ETS1: variants seen among roughly 807,000 people sequenced by gnomAD.
ETS1 encodes protein C-ets-1.
ETS1 carries 15 observed loss-of-function variants against 58.6 expected under a neutral mutation model. The observed-to-expected ratio is 0.26, with a 90% CI of 0.17 to 0.39. The LOEUF (loss-of-function observed/expected upper bound fraction) is 0.39. Ranked by LOEUF, ETS1 falls within the 10% of genes least tolerant of loss-of-function variation. The pLI is 1.00. For synonymous variants in ETS1, 214 were observed against 218.2 expected (o/e 0.98, Z 0.17); for missense variants, 417 against 610.5 (o/e 0.68, Z 3.34).
rs1861966757 is a variant in ETS1, at chr11:128,463,924, G to A, written c.1124-297C>T. The A allele has an allele frequency of 4.6e-6, 1 of 215,162 alleles. No individual in the cohort carries two copies. Among genetic ancestry groups the A allele is most frequent in the Admixed American group, 5.6e-5 (1 of 17,730 alleles). The allele number at this position is 215,162 out of a possible 1,614,324, so 13.3% of individuals were successfully genotyped here. ...ACAAATTCTAGAAAGAGAACACTGT[G>A]CCTATCCTCTGGGATATTCTAAGGC... is the stretch of plus-strand genomic sequence containing the variant. On this transcript the variant is annotated intron_variant, in intron 8 of 9. Coordinates refer to ENST00000392668, the MANE Select transcript of ETS1 (RefSeq NM_001143820.2). This position sits in a 1 kb window ranked among gnomAD's most constrained non-coding sequence, Gnocchi z 4.1.
In ETS1 at chr11:128,548,112, G is replaced by GAAGGAAAGGAAAGGAAAGGA. The variant is rs139704582; in HGVS notation, c.214+8159_214+8178dup. Among the ~76,000 whole-genome samples, 209 of 97,710 alleles carry GAAGGAAAGGAAAGGAAAGGA rather than the reference G, an allele frequency of 2.1e-3. 1 individual carries two copies. Among genetic ancestry groups the GAAGGAAAGGAAAGGAAAGGA allele is most frequent in the Admixed American group, 2.3e-3 (19 of 8,158 alleles). The allele number at this position is 97,710 out of a possible 152,430, so 64.1% of individuals were successfully genotyped here. Reference sequence around the variant, plus strand: ...AAAGAGCGAGGAAGGAAAGGAAAGGGAAGGAAAGGAAAGGAAAGGAAAGGG... The same window carrying GAAGGAAAGGAAAGGAAAGGA: ...AAAGAGCGAGGAAGGAAAGGAAAGGGAAGGAAAGGAAAGGAAAGGAAAGGAAAGGAAAGGAAAGGAAAGGG... On this transcript the variant is annotated intron_variant, in intron 3 of 9. Coordinates refer to ENST00000392668, the MANE Select transcript of ETS1 (RefSeq NM_001143820.2).
intron 3 of ETS1, chr11:128,522,483 A>G (rs1863711746): frequency 2.4e-6 from 1 of 424,638 alleles, no homozygotes; most frequent in African/African-American, 2.1e-5. Flanking sequence ...GGCGGGGCCG[A>G]GCACCGCGGC....
In ETS1 at chr11:128,566,752, C is replaced by T. The variant is rs913228877; in HGVS notation, c.69+6310G>A. Among the ~76,000 whole-genome samples the T allele has an allele frequency of 3.3e-5, 5 of 149,812 alleles. No individual in the cohort carries two copies. In the South Asian group the frequency reaches 1.1e-3, roughly 32 times the overall value. ...GAGCCGAGAGGGCGCCACTGCACTC[C>T]AGCCTGGGCGACAGAGCAAGACACC... On this transcript the variant is annotated intron_variant, in intron 2 of 9. Transcript: ENST00000392668.
At position 128,537,396 on chromosome 11, in the gene ETS1, G is replaced by A. The variant is rs144038127; in HGVS notation, c.214+18895C>T. Among the ~76,000 whole-genome samples the A allele has an allele frequency of 2.2e-3, 335 of 152,218 alleles. 1 individual carries two copies. Among genetic ancestry groups the A allele is most frequent in the African/African-American group, 7.5e-3 (311 of 41,540 alleles). Reference sequence around the variant, plus strand: ...TTCCTACTTGTCTCCACTCAGAGTCGGAATAAGCAAAGCTGTCATTGGGAG... The same window carrying A: ...TTCCTACTTGTCTCCACTCAGAGTCAGAATAAGCAAAGCTGTCATTGGGAG... On this transcript the variant is annotated intron_variant, in intron 3 of 9. Transcript: ENST00000392668.
intron 3 of ETS1, among the ~76,000 whole-genome samples, chr11:128,516,221 T>C (rs1467039078): frequency 2.6e-5 from 4 of 152,212 alleles, no homozygotes; most frequent in Non-Finnish European, 5.9e-5. Flanking sequence ...TTGAAAAAGA[T>C]ATCATCAACC....
rs868103976 is a variant in ETS1 at position 128,471,415 on chromosome 11, G to C, written c.1124-7788C>G. The stretch of plus-strand genomic sequence containing the variant: ...TGCAAGTGCTCAAGTACACATGTGT[G>C]GGGGCGGCAGCAGGAGAAAGGGGAC... On this transcript the variant is annotated intron_variant, in intron 8 of 9. Coordinates refer to ENST00000392668, the MANE Select transcript of ETS1 (RefSeq NM_001143820.2). 2.0e-5 allele frequency among the ~76,000 whole-genome samples: 3 copies of C among 152,236 alleles called. No individual in the cohort carries two copies. In the South Asian group the frequency reaches 6.2e-4, roughly 32 times the overall value.
intron 3 of ETS1, among the ~76,000 whole-genome samples, chr11:128,492,482 G>A (rs760634851): frequency 1.3e-5 from 2 of 152,294 alleles, no homozygotes; most frequent in East Asian, 1.9e-4. Context: ...TGCCAATGAC[G>A]AGGAATCTGA....
At chr11:128,482,530 G>A (rs1027057185) in intron 7 of ETS1, among the ~76,000 whole-genome samples, 1 of 152,154 alleles carries the variant, frequency 6.6e-6, no homozygotes, top group African/African-American at 2.4e-5. Context: ...GTCCCACTAA[G>A]CAAGGGGACT....
At position 128,485,035 on chromosome 11, in the gene ETS1, G is replaced by A. The variant is rs766647712; in HGVS notation, c.650C>T (p.Ser217Leu). 11 of 1,613,918 alleles carry A rather than the reference G, an allele frequency of 6.8e-6. No individual in the cohort carries two copies. The highest frequency in any genetic ancestry group is 4.5e-5 in the East Asian group (2 of 44,890). Residue 217 changes from serine to leucine, a missense_variant, in exon 7 of 10, where the codon TCG becomes TTG. By Grantham distance (145) the Ser-to-Leu change is moderately radical. Transcript: ENST00000392668. ...GATGAAGCTGGGCTCTGAGAACTCC[G>A]ATGGTGGAACACACTGGGCATGCTC... is the stretch of plus-strand genomic sequence containing the variant. ...GIEHAQCVPP[S>L]EFSEPSFITE...
intron 3 of ETS1, among the ~76,000 whole-genome samples, chr11:128,512,362 C>T (rs1863414539): frequency 6.6e-6 from 1 of 152,198 alleles, no homozygotes; most frequent in Admixed American, 6.5e-5. Context: ...ATAAACTCTA[C>T]ACTGTCATCA....
At chr11:128,477,620 A>C (rs1021447930) in intron 8 of ETS1, among the ~76,000 whole-genome samples, 6 of 152,200 alleles carry the variant, frequency 3.9e-5, no homozygotes, top group Non-Finnish European at 8.8e-5. Context: ...TATCAATTAC[A>C]GGGAAAAAAT....
intron 1 of ETS1, among the ~76,000 whole-genome samples, chr11:128,577,080 G>C (rs1326634878): frequency 1.3e-5 from 2 of 151,930 alleles, no homozygotes; most frequent in Non-Finnish European, 2.9e-5. Flanking sequence ...TTTCATTTTT[G>C]TCTTCAGCAC....
chr11:128,562,600 T>A (rs1179512388), intron 2 of ETS1, among the ~76,000 whole-genome samples: 1 of 152,156 alleles, frequency 6.6e-6, no homozygotes, highest in Non-Finnish European at 1.5e-5. Flanking sequence ...ACAGCCTGAA[T>A]GCTCCACCCA....
intron 2 of ETS1, among the ~76,000 whole-genome samples, chr11:128,556,923 T>C (rs1271675552): frequency 6.6e-6 from 1 of 152,236 alleles, no homozygotes; most frequent in Non-Finnish European, 1.5e-5. Flanking sequence ...TCAGTGTGTA[T>C]AGGCTTTAAA....
chr11:128,531,934 T>C (rs1863903711), intron 3 of ETS1, among the ~76,000 whole-genome samples: 1 of 152,220 alleles, frequency 6.6e-6, no homozygotes, highest in African/African-American at 2.4e-5. Flanking sequence ...TGCACTCACT[T>C]CACAGAAGTC....
At chr11:128,474,239 A>T (rs1862261260) in intron 8 of ETS1, among the ~76,000 whole-genome samples, 1 of 152,190 alleles carries the variant, frequency 6.6e-6, no homozygotes. Flanking sequence ...TGTATTGTAC[A>T]GTATGAATAG....
At chr11:128,535,012 C>A (rs1863952432) in intron 3 of ETS1, among the ~76,000 whole-genome samples, 1 of 152,186 alleles carries the variant, frequency 6.6e-6, no homozygotes, top group Non-Finnish European at 1.5e-5. Context: ...CATTGTCTTC[C>A]ACAATGGTTG....
chr11:128,468,767 T>C (rs530974428), intron 8 of ETS1, among the ~76,000 whole-genome samples: 2 of 152,180 alleles, frequency 1.3e-5, no homozygotes, highest in Admixed American at 6.5e-5. Flanking sequence ...CTAGAATATA[T>C]GCTGTAAGGA....
intron 1 of ETS1, among the ~76,000 whole-genome samples, chr11:128,578,820 T>C (rs1864804771): frequency 6.6e-6 from 1 of 152,348 alleles, no homozygotes; most frequent in Middle Eastern, 3.4e-3. Context: ...ATCCTAAAGA[T>C]GATGACTGCC....
Sources: allele counts gnomAD v4.1 joint callset (sites outside exome capture counted in the v4.1 genomes callset), GRCh38; gene constraint gnomAD v4.1.1; non-coding constraint Gnocchi (gnomAD v3.1); transcripts MANE v1.5; gene names NCBI Gene and HGNC (gene_info 2026-07-23, HGNC 2026-07-21).